The following CHFR variants were observed in gnomAD, a reference collection of about 807,000 sequenced individuals.
CHFR encodes checkpoint with forkhead and ring finger domains, also known as E3 ubiquitin-protein ligase CHFR.
Under a neutral mutation model 87.6 loss-of-function variants are expected in CHFR, and 57 were observed. The ratio of observed to expected loss-of-function variants is 0.65; its 90% CI spans 0.53 to 0.81. CHFR has a LOEUF of 0.81. CHFR is among the 30% of genes least tolerant of loss of function. The pLI is 0.00. For synonymous variants in CHFR, 381 were observed against 359.2 expected, an observed-to-expected ratio of 1.06 and a Z score of -0.69; for missense variants, 797 against 865.8, an observed-to-expected ratio of 0.92 and a Z score of 1.00.
At chr12:132,874,298 G>C (rs2137033721) in intron 3 of CHFR, among the ~76,000 whole-genome samples, 1 of 152,184 alleles carries the variant, frequency 6.6e-6, no homozygotes, top group South Asian at 2.1e-4. Flanking sequence ...AGGCGGGACG[G>C]CCCAGGACCA....
chr12:132,878,503 G>A (rs1461093938), intron 2 of CHFR, among the ~76,000 whole-genome samples: 1 of 150,708 alleles, frequency 6.6e-6, no homozygotes, highest in East Asian at 2.0e-4. Flanking sequence ...TTTACAATAT[G>A]CTTGCATACA....
At chr12:132,844,210 A>G in intron 15 of CHFR, 76 bp from the exon 16 acceptor site, 1 of 887,862 alleles carries the variant, frequency 1.1e-6, no homozygotes, top group East Asian at 2.6e-5. Context: ...GCAGTGGGAG[A>G]CTAACGCACT....
chr12:132,832,861 G>A lies in CHFR; in HGVS notation c.*8693C>T, dbSNP rs74638608. 3.3e-5 allele frequency: 5 copies of A among 152,234 alleles called. No individual in the cohort carries two copies. Among genetic ancestry groups the A allele is most frequent in the Admixed American group, 6.5e-5 (1 of 15,288 alleles). 9.4% of individuals were successfully genotyped at this position (152,234 alleles called of 1,614,324 possible). On this transcript the variant is annotated 3_prime_UTR_variant, in exon 18 of 18. Transcript: ENST00000450056. ...CACCCATCACTCCAACCCAGTTTCCGGATACTTCCGTTACCTCAGAAGGAT... is the reference window on the plus strand; with the variant it reads ...CACCCATCACTCCAACCCAGTTTCCAGATACTTCCGTTACCTCAGAAGGAT...
chr12:132,856,756 G>A (rs149628732), intron 9 of CHFR, 126 bp from the exon 10 acceptor site: 11 of 1,050,148 alleles, frequency 1.0e-5, no homozygotes, highest in African/African-American at 9.2e-5. Flanking sequence ...CCGCCCTCAC[G>A]TGCCCGGGTG....
intron 16 of CHFR, among the ~76,000 whole-genome samples, chr12:132,843,606 C>T (rs1208920007): frequency 6.6e-6 from 1 of 152,122 alleles, no homozygotes; most frequent in Non-Finnish European, 1.5e-5. Context: ...TGACGTCCTG[C>T]CGGCTCCTGA....
In CHFR at chr12:132,848,132, G is replaced by A; in HGVS notation, c.1600C>T (p.Leu534=). The A allele has an allele frequency of 6.2e-7, 1 of 1,614,126 alleles. No individual in the cohort carries two copies. Among genetic ancestry groups the A allele is most frequent in the Non-Finnish European group, 8.5e-7 (1 of 1,180,024 alleles). The change falls in exon 14 of 18, where the codon CTG becomes TTG. Residue 534 remains leucine (L), a synonymous_variant. Transcript: ENST00000450056. ...FCELNLGDKC[L]DGVLNNNSYE... ...CTGTTGTTGTTCAGCACGCCGTCCA[G>A]ACACTTGTCACCCAGGTTGAGCTCT...
intron 15 of CHFR, among the ~76,000 whole-genome samples, chr12:132,846,354 C>A (rs1950825209): frequency 6.6e-6 from 1 of 151,610 alleles, no homozygotes; most frequent in Non-Finnish European, 1.5e-5. Context: ...GCTCCGCCTC[C>A]CGGGTTCACG....
At chr12:132,881,792 C>A (rs7300955) in intron 2 of CHFR, among the ~76,000 whole-genome samples, 1 of 150,804 alleles carries the variant, frequency 6.6e-6, no homozygotes, top group Non-Finnish European at 1.5e-5. Flanking sequence ...GGCTTGAACC[C>A]GGGAGGCGGA....
At chr12:132,844,002 C>A in intron 16 of CHFR, 25 bp downstream of exon 16, 1 of 1,448,238 alleles carries the variant, frequency 6.9e-7, no homozygotes, top group Non-Finnish European at 9.7e-7. Context: ...GAACTAGAGC[C>A]ATGAGGAAGT....
rs1342113004 is a variant in CHFR, at chr12:132,869,688, G to C, written c.514C>G (p.Leu172Val). The C allele has an allele frequency of 3.9e-6, 6 of 1,551,732 alleles. No individual in the cohort carries two copies. The highest frequency in any genetic ancestry group is 2.0e-5 in the Admixed American group (1 of 51,010). Reference sequence around the variant, plus strand: ...GAAGAGGCCGAGGCTGTGGGGAAGAGGTCTGACGTCGATGTTGATGGCTGT... The same window carrying C: ...GAAGAGGCCGAGGCTGTGGGGAAGACGTCTGACGTCGATGTTGATGGCTGT... ...EPQPSTSTSD[L>V]FPTASASSTE... The change falls in exon 6 of 18, where the codon CTC becomes GTC. Residue 172 changes from leucine to valine, a missense_variant. This residue lies in a region of CHFR where 597 missense variants were observed against 601.2 expected (regional missense o/e 0.99). Coordinates refer to ENST00000450056, the MANE Select transcript of CHFR (RefSeq NM_001161346.2).
rs1027968376 is a variant in CHFR at position 132,837,709 on chromosome 12, G to C, written c.*3845C>G. On this transcript the variant is annotated 3_prime_UTR_variant, in exon 18 of 18. Coordinates refer to ENST00000450056, the MANE Select transcript of CHFR (RefSeq NM_001161346.2). ...TCCGTCCTGCTGCTGGTCAGCGCGC[G>C]GATCTGCAGGGCTAGGCTGTGCTCT... 6 of 152,292 alleles carry C rather than the reference G, an allele frequency of 3.9e-5. No homozygotes were observed. Among genetic ancestry groups the C allele is most frequent in the Admixed American group, 3.9e-4 (6 of 15,288 alleles). 9.4% of individuals were successfully genotyped at this position (152,292 alleles called of 1,614,324 possible).
chr12:132,859,673 T>C (rs986316607), intron 7 of CHFR, among the ~76,000 whole-genome samples: 1 of 152,142 alleles, frequency 6.6e-6, no homozygotes, highest in African/African-American at 2.4e-5. Context: ...TTTATTTTTC[T>C]ATAATGCTCA....
In CHFR at chr12:132,840,309, G is replaced by C. The variant is rs2136904228; in HGVS notation, c.*1245C>G. The C allele has an allele frequency of 6.9e-6, 1 of 144,122 alleles. No homozygotes were observed. Among genetic ancestry groups the C allele is most frequent in the Non-Finnish European group, 1.6e-5 (1 of 63,862 alleles). The allele number at this position is 144,122 out of a possible 1,614,324, so 8.9% of individuals were successfully genotyped here. On this transcript the variant is annotated 3_prime_UTR_variant, in exon 18 of 18. Coordinates refer to ENST00000450056, the MANE Select transcript of CHFR (RefSeq NM_001161346.2). ...TGCATGGGGCCTGCCTCCCTCGCATGGGGAAGTGAGGCAGCCCCAGACACG... is the reference window on the plus strand; with the variant it reads ...TGCATGGGGCCTGCCTCCCTCGCATCGGGAAGTGAGGCAGCCCCAGACACG...
chr12:132,866,442 G>C (rs1017165370), intron 6 of CHFR: 1 of 151,346 alleles, frequency 6.6e-6, no homozygotes, highest in Non-Finnish European at 1.5e-5. Flanking sequence ...ACCCTGGAAC[G>C]TTACAACACA....
intron 2 of CHFR, among the ~76,000 whole-genome samples, chr12:132,880,693 G>T (rs575834500): frequency 1.3e-5 from 2 of 151,164 alleles, no homozygotes; most frequent in Non-Finnish European, 2.9e-5. Flanking sequence ...TGGGCCAGGC[G>T]TGGTGGCTCA....
At chr12:132,852,712 C>T (rs891187186) in intron 11 of CHFR, among the ~76,000 whole-genome samples, 4 of 152,236 alleles carry the variant, frequency 2.6e-5, no homozygotes, top group Non-Finnish European at 4.4e-5. Context: ...TCCATACCAA[C>T]GCCAAGCACT....
chr12:132,886,276 C>T (rs1266427898), intron 2 of CHFR, among the ~76,000 whole-genome samples: 1 of 151,824 alleles, frequency 6.6e-6, no homozygotes, highest in Non-Finnish European at 1.5e-5. Flanking sequence ...CACCACTGCA[C>T]CCCAGTCTGG....
At chr12:132,857,071 A>C (rs944570378) in intron 9 of CHFR, among the ~76,000 whole-genome samples, 1 of 43,942 alleles carries the variant, frequency 2.3e-5, no homozygotes, top group Non-Finnish European at 4.1e-5. Flanking sequence ...TGGAGGGACC[A>C]CCCTCACGTG....
At chr12:132,845,454 T>A (rs1950796849) in intron 15 of CHFR, among the ~76,000 whole-genome samples, 2 of 142,938 alleles carry the variant, frequency 1.4e-5, no homozygotes, top group Admixed American at 7.3e-5. Context: ...CAAGATTCCA[T>A]CTCAAAAAAA....
Sources: allele counts gnomAD v4.1 joint callset (sites outside exome capture counted in the v4.1 genomes callset), GRCh38; gene constraint gnomAD v4.1.1; regional missense constraint gnomAD v4.1.1; transcripts MANE v1.5; gene names NCBI Gene and HGNC (gene_info 2026-07-23, HGNC 2026-07-21).